Variants in SPOCK3 observed in about 807,000 individuals in gnomAD.
SPOCK3 encodes the protein testican-3.
A neutral mutation model predicts 56.6 loss-of-function variants in SPOCK3; 30 were observed. The ratio of observed to expected loss-of-function variants is 0.53; its 90% CI spans 0.40 to 0.72. The LOEUF (loss-of-function observed/expected upper bound fraction) is 0.72, where lower values mean the gene tolerates loss of function less well. Among genes scored for constraint, SPOCK3 ranks in the 30% least tolerant of loss-of-function variants. SPOCK3 has a pLI of 0.00. For missense variants in SPOCK3, 527 were observed against 530.0 expected (o/e 0.99, Z 0.06); for synonymous variants, 196 against 183.3 (o/e 1.07, Z -0.56).
At chr4:166,993,290 A>T (rs1747999242) in intron 4 of SPOCK3, among the ~76,000 whole-genome samples, 1 of 152,146 alleles carries the variant, frequency 6.6e-6, no homozygotes, top group Non-Finnish European at 1.5e-5. Flanking sequence ...CTCACTCAAA[A>T]AAAATTGACA....
At chr4:166,811,796 T>C (rs997907048) in intron 6 of SPOCK3, among the ~76,000 whole-genome samples, 4 of 151,928 alleles carry the variant, frequency 2.6e-5, no homozygotes, top group Admixed American at 6.6e-5. Context: ...AGCTATACTT[T>C]GTTATATCTC....
At chr4:167,037,509 AAC>A (rs1491006776) in intron 3 of SPOCK3, among the ~76,000 whole-genome samples, 23 of 146,660 alleles carry the variant, frequency 1.6e-4, no homozygotes, top group African/African-American at 4.6e-4. Flanking sequence ...AAAAAAAAAA[AAC>A]TATTTTACAG....
chr4:166,830,749 G>A (rs1156668574), intron 6 of SPOCK3, among the ~76,000 whole-genome samples: 5 of 151,672 alleles, frequency 3.3e-5, no homozygotes, highest in African/African-American at 1.2e-4. Context: ...CGCCCCGCTC[G>A]AAAAAAAGAT....
intron 4 of SPOCK3, among the ~76,000 whole-genome samples, chr4:166,919,872 T>G (rs911703559): frequency 6.6e-6 from 1 of 152,190 alleles, no homozygotes; most frequent in East Asian, 1.9e-4. Context: ...ATTTTTTCTT[T>G]TAAATCAGTA....
intron 7 of SPOCK3, among the ~76,000 whole-genome samples, chr4:166,776,556 C>T (rs569683438): frequency 1.3e-5 from 2 of 152,100 alleles, no homozygotes; most frequent in African/African-American, 4.8e-5. Context: ...ACATTGACAA[C>T]TTTGGATGCT....
At chr4:166,774,629 T>G (rs560950385) in intron 7 of SPOCK3, among the ~76,000 whole-genome samples, 1 of 152,306 alleles carries the variant, frequency 6.6e-6, no homozygotes, top group Admixed American at 6.5e-5. Flanking sequence ...CAGCAGCAAC[T>G]TTCCTTTGAC....
intron 2 of SPOCK3, among the ~76,000 whole-genome samples, chr4:167,198,929 A>G (rs1056995444): frequency 7.2e-5 from 11 of 152,140 alleles, no homozygotes; most frequent in African/African-American, 1.9e-4. Context: ...AAGCTCCAGA[A>G]AACATATTAG....
intron 3 of SPOCK3, among the ~76,000 whole-genome samples, chr4:167,031,337 G>A (rs1201534773): frequency 2.0e-5 from 3 of 151,778 alleles, no homozygotes; most frequent in Non-Finnish European, 2.9e-5. Flanking sequence ...TTTACTGAGG[G>A]GGAAAAGAAC....
At chr4:167,221,100 C>G (rs565058614) in intron 2 of SPOCK3, among the ~76,000 whole-genome samples, 5 of 152,042 alleles carry the variant, frequency 3.3e-5, no homozygotes, top group Admixed American at 6.6e-5. Context: ...TGTGACACAC[C>G]TGTAACGCCA....
intron 3 of SPOCK3, among the ~76,000 whole-genome samples, chr4:167,021,351 T>C (rs1363968021): frequency 6.6e-6 from 1 of 152,044 alleles, no homozygotes; most frequent in Non-Finnish European, 1.5e-5. Flanking sequence ...TCTTGCGAGT[T>C]AGTCCTGAAG....
intron 2 of SPOCK3, among the ~76,000 whole-genome samples, chr4:167,231,147 G>C (rs1403388209): frequency 1.3e-5 from 2 of 151,886 alleles, no homozygotes; most frequent in African/African-American, 4.8e-5. Context: ...AATATATAAA[G>C]AGTAACATTT....
intron 6 of SPOCK3, among the ~76,000 whole-genome samples, chr4:166,809,175 A>C (rs1743504105): frequency 6.6e-6 from 1 of 151,898 alleles, no homozygotes; most frequent in Non-Finnish European, 1.5e-5. Flanking sequence ...TGTGCTCAAT[A>C]TATATATATT....
Position 166,971,025 on chromosome 4 carries a change from C to T in SPOCK3, c.350+29324G>A, listed in dbSNP as rs140938394. Among the ~76,000 whole-genome samples, 146 of 152,216 alleles carry T rather than the reference C, an allele frequency of 9.6e-4. 1 individual carries two copies. The highest frequency in any genetic ancestry group is 3.1e-3 in the African/African-American group (128 of 41,540). On this transcript the variant is annotated intron_variant, in intron 4 of 10. Transcript: ENST00000357545. ...TATAGGCGCATACCAGCATACCTGG[C>T]TTTGATTTTTTAAATTAGGAAAGAC...
At chr4:167,132,119 A>T (rs529581220) in intron 2 of SPOCK3, among the ~76,000 whole-genome samples, 35 of 152,346 alleles carry the variant, frequency 2.3e-4, no homozygotes, top group East Asian at 1.7e-3. Context: ...GTGAATTTTT[A>T]AAAAAGTTTT....
chr4:166,810,007 G>A (rs1452953431), intron 6 of SPOCK3, among the ~76,000 whole-genome samples: 1 of 152,010 alleles, frequency 6.6e-6, no homozygotes, highest in Non-Finnish European at 1.5e-5. Flanking sequence ...ATCGATTACA[G>A]TTTTAGGTTT....
At chr4:167,148,163 G>A (rs1764129910) in intron 2 of SPOCK3, among the ~76,000 whole-genome samples, 2 of 151,922 alleles carry the variant, frequency 1.3e-5, no homozygotes. Flanking sequence ...TGTCTTCCAG[G>A]GGATCTTTGC....
chr4:167,134,313 G>GT (rs996881905), intron 2 of SPOCK3, among the ~76,000 whole-genome samples: 31 of 152,092 alleles, frequency 2.0e-4, no homozygotes, highest in African/African-American at 7.5e-4. Context: ...GATTACAGGT[G>GT]TGAGCCATCG....
intron 2 of SPOCK3, among the ~76,000 whole-genome samples, chr4:167,138,261 AG>A (rs987304685): frequency 6.6e-6 from 1 of 151,838 alleles, no homozygotes; most frequent in Non-Finnish European, 1.5e-5. Context: ...TAAAAACATT[AG>A]GTTTTAACTT....
At chr4:167,157,606 A>G (rs1580463121) in intron 2 of SPOCK3, among the ~76,000 whole-genome samples, 1 of 147,710 alleles carries the variant, frequency 6.8e-6, no homozygotes, top group Non-Finnish European at 1.5e-5. Flanking sequence ...TTCAGATAGG[A>G]AAGGTTTTTT....
Sources: gnomAD v4.1 joint callset for allele counts (sites outside exome capture counted in the v4.1 genomes callset) on GRCh38, gnomAD v4.1.1 for gene constraint, MANE v1.5 for transcripts, NCBI Gene and HGNC (gene_info 2026-07-23, HGNC 2026-07-21) for gene names.